The following GPRC5C variants were observed in gnomAD, a reference collection of about 807,000 sequenced individuals.
The protein encoded by GPRC5C is G protein-coupled receptor class C group 5 member C, also known as G protein-coupled receptor family C group 5 member C.
GPRC5C carries 22 observed loss-of-function variants against 31.4 expected under a neutral mutation model. The ratio of observed to expected loss-of-function variants is 0.70; its 90% CI spans 0.50 to 1.00. The LOEUF is 1.00. Among genes scored for constraint, GPRC5C ranks in the 50% least tolerant of loss-of-function variants. GPRC5C has a pLI of 0.00. For missense variants in GPRC5C, 557 were observed against 597.2 expected (o/e 0.93, Z 0.70); for synonymous variants, 249 against 257.5 (o/e 0.97, Z 0.32).
intron 1 of GPRC5C, 171 bp downstream of exon 1, chr17:74,432,312 C>G (rs2055363125): frequency 6.9e-7 from 1 of 1,442,418 alleles, no homozygotes; most frequent in Non-Finnish European, 9.1e-7. Flanking sequence ...GGGACAGGCC[C>G]GCGCGAGAGC....
intron 1 of GPRC5C, 75 bp downstream of exon 1, chr17:74,432,216 G>T (rs2055360403): frequency 6.4e-7 from 1 of 1,555,632 alleles, no homozygotes; most frequent in South Asian, 1.2e-5. Context: ...AGCGCGGCGG[G>T]CGCCCGATTA....
chr17:74,440,210 C>G lies in GPRC5C; in HGVS notation c.434C>G (p.Ala145Gly), dbSNP rs779914717. The stretch of plus-strand genomic sequence containing the variant: ...CACGTCTTTGCCCTCAACTTCCTGG[C>G]CCGGAAGAACCACGGGCCCCGGGGC... ...AAHVFALNFL[A>G]RKNHGPRGWV... Residue 145 changes from alanine to glycine, a missense_variant, in exon 2 of 4, where the codon GCC becomes GGC. Transcript: ENST00000392627. This position sits in a 1 kb window ranked among gnomAD's most constrained non-coding sequence, Gnocchi z 4.4. 25 of 1,614,108 alleles carry G rather than the reference C, an allele frequency of 1.5e-5. No individual in the cohort carries two copies. Among genetic ancestry groups the G allele is most frequent in the Non-Finnish European group, 2.1e-5 (25 of 1,180,044 alleles).
intron 1 of GPRC5C, among the ~76,000 whole-genome samples, chr17:74,439,127 G>A (rs758341370): frequency 1.3e-5 from 2 of 152,116 alleles, no homozygotes; most frequent in Non-Finnish European, 2.9e-5. Flanking sequence ...CTTGACTTCC[G>A]CTTCCGAGCT....
intron 1 of GPRC5C, chr17:74,433,581 C>G: frequency 1.3e-6 from 1 of 798,996 alleles, no homozygotes; most frequent in Middle Eastern, 2.3e-4. Context: ...TAACCAGGGA[C>G]TGGGAGAGAC....
chr17:74,435,498 AGCAGCAGCCTGGCTGCTGG>A (rs1438620324), intron 1 of GPRC5C, among the ~76,000 whole-genome samples: 18 of 150,286 alleles, frequency 1.2e-4, no homozygotes, highest in Admixed American at 2.0e-4. Context: ...ACTTACTAAA[AGCAGCAGCCTGGCTGCTGG>A]GCAGCAGCAT....
In GPRC5C at chr17:74,444,033, A is replaced by G. The variant is rs1268115370; in HGVS notation, c.1146+121A>G. 7 of 688,212 alleles carry G rather than the reference A, an allele frequency of 1.0e-5. No individual in the cohort carries two copies. In the East Asian group the frequency reaches 1.4e-4, roughly 14 times the overall value. The allele number at this position is 688,212 out of a possible 1,614,324, so 42.6% of individuals were successfully genotyped here. ...GGGTGGAGGTGGTAAGGGGAAGGCA[A>G]GCTTCTCCATCTGGTGCTTTTACCT... On this transcript the variant is annotated intron_variant, in intron 3 of 3. Transcript: ENST00000392627.
At chr17:74,439,592 G>A (rs779528334) in intron 1 of GPRC5C, among the ~76,000 whole-genome samples, 153 bp from the exon 2 acceptor site, 3 of 152,210 alleles carry the variant, frequency 2.0e-5, no homozygotes, top group Non-Finnish European at 4.4e-5. Flanking sequence ...TGCCTCTCAG[G>A]GGTTCTATGT....
intron 2 of GPRC5C, among the ~76,000 whole-genome samples, chr17:74,442,490 C>T (rs1255719961): frequency 6.6e-6 from 1 of 152,196 alleles, no homozygotes; most frequent in Non-Finnish European, 1.5e-5. Context: ...GCTGCAGCCC[C>T]TCATCTGACA....
Position 74,439,837 on chromosome 17 carries a change from G to T in GPRC5C, c.61G>T (p.Ala21Ser). Reference sequence around the variant, plus strand: ...ACTGCCTCTCTTCCTGTTCCCAGGGGCCTGGGCCCAGGGCCATGTCCCACC... The same window carrying T: ...ACTGCCTCTCTTCCTGTTCCCAGGGTCCTGGGCCCAGGGCCATGTCCCACC... The part of the protein sequence containing the change: ...LGLPLFLFPG[A>S]WAQGHVPPGC... Residue 21 changes from alanine to serine, a missense_variant, in exon 2 of 4, where the codon GCC (alanine) becomes TCC (serine). Coordinates refer to ENST00000392627, the MANE Select transcript of GPRC5C (RefSeq NM_022036.4). The T allele has an allele frequency of 6.2e-7, 1 of 1,613,396 alleles. No individual in the cohort carries two copies. Among genetic ancestry groups the T allele is most frequent in the African/African-American group, 1.3e-5 (1 of 75,060 alleles).
chr17:74,448,960 C>T, downstream of GPRC5C: 1 of 1,176,904 alleles, frequency 8.5e-7, no homozygotes. Flanking sequence ...GTGGTTGAGA[C>T]AGCAGGGTCC....
chr17:74,433,830 G>A, intron 1 of GPRC5C: 1 of 1,054,862 alleles, frequency 9.5e-7, no homozygotes, highest in Non-Finnish European at 1.5e-6. Flanking sequence ...TGGCCCTGGT[G>A]GGTGGAGGGG....
chr17:74,440,113 T>C lies in GPRC5C; in HGVS notation c.337T>C (p.Phe113Leu). ...LVFACVVKPD[F>L]STCASRRFLF... is the part of the protein sequence containing the mutation. Reference sequence around the variant, plus strand: ...GTTTGCCTGTGTGGTGAAGCCCGACTTCTCCACCTGTGCCTCTCGGCGCTT... The same window carrying C: ...GTTTGCCTGTGTGGTGAAGCCCGACCTCTCCACCTGTGCCTCTCGGCGCTT... The change falls in exon 2 of 4, where the codon TTC becomes CTC. Residue 113 changes from phenylalanine to leucine, a missense_variant. Coordinates refer to ENST00000392627, the MANE Select transcript of GPRC5C (RefSeq NM_022036.4). The surrounding 1 kb of genome is among the most constrained non-coding windows in gnomAD (Gnocchi z 4.4). 1 of 1,614,156 alleles carries C rather than the reference T, an allele frequency of 6.2e-7. No individual in the cohort carries two copies. The highest frequency in any genetic ancestry group is 8.5e-7 in the Non-Finnish European group (1 of 1,180,024).
intron 1 of GPRC5C, chr17:74,433,796 G>T: frequency 6.8e-7 from 1 of 1,469,028 alleles, no homozygotes; most frequent in Non-Finnish European, 9.5e-7. Context: ...ACGCGCTGGA[G>T]CTCTCTTTCC....
At chr17:74,432,237 T>C in intron 1 of GPRC5C, 96 bp downstream of exon 1, 2 of 1,539,540 alleles carry the variant, frequency 1.3e-6, no homozygotes, top group Non-Finnish European at 1.8e-6. Flanking sequence ...GCGCCCTGAA[T>C]GGAGGTGATG....
At chr17:74,438,225 A>C (rs966012995) in intron 1 of GPRC5C, among the ~76,000 whole-genome samples, 1 of 110,222 alleles carries the variant, frequency 9.1e-6, no homozygotes, top group African/African-American at 5.3e-5. Flanking sequence ...ATATATATAT[A>C]TATATATATA....
rs757715803 is a variant in GPRC5C at position 74,440,188 on chromosome 17, G to T, written c.412G>T (p.Val138Phe). The T allele has an allele frequency of 6.2e-7, 1 of 1,614,186 alleles. No homozygotes were observed. Among genetic ancestry groups the T allele is most frequent in the Non-Finnish European group, 8.5e-7 (1 of 1,180,030 alleles). The change falls in exon 2 of 4, where the codon GTC (valine) becomes TTC (phenylalanine). Residue 138 changes from valine (V) to phenylalanine (F), a missense_variant. Transcript: ENST00000392627. The surrounding 1 kb of genome is among the most constrained non-coding windows in gnomAD (Gnocchi z 4.4). ...AICFSCLAAH[V>F]FALNFLARKN... Reference sequence around the variant, plus strand: ...CTGCTTCTCTTGTCTGGCGGCTCACGTCTTTGCCCTCAACTTCCTGGCCCG... The same window carrying T: ...CTGCTTCTCTTGTCTGGCGGCTCACTTCTTTGCCCTCAACTTCCTGGCCCG...
Position 74,440,885 on chromosome 17 carries a change from A to G in GPRC5C, c.1051+58A>G. ...TTCTCCATCCCATGTCTTTTACTGC[A>G]GGACAGGGAGCCAGTCTCTTGAGCA... On this transcript the variant is annotated intron_variant, in intron 2 of 3. Transcript: ENST00000392627. The surrounding 1 kb of genome is among the most constrained non-coding windows in gnomAD (Gnocchi z 4.4). 2 of 1,390,170 alleles carry G rather than the reference A, an allele frequency of 1.4e-6. No homozygotes were observed. The highest frequency in any genetic ancestry group is 2.9e-5 in the African/African-American group (2 of 68,948). 86.1% of individuals were successfully genotyped at this position (1,390,170 alleles called of 1,614,324 possible).
intron 1 of GPRC5C, among the ~76,000 whole-genome samples, chr17:74,433,923 G>T (rs1440372867): frequency 6.6e-6 from 1 of 152,154 alleles, no homozygotes; most frequent in Non-Finnish European, 1.5e-5. Flanking sequence ...CTGTCTCCCC[G>T]GTTGCTGGAT....
At chr17:74,448,119 G>A (rs2055669821), downstream of GPRC5C, among the ~76,000 whole-genome samples, 1 of 152,056 alleles carries the variant, frequency 6.6e-6, no homozygotes, top group African/African-American at 2.4e-5. Flanking sequence ...GACTAGCCTG[G>A]GTAACATAGT....
Sources: allele counts gnomAD v4.1 joint callset (sites outside exome capture counted in the v4.1 genomes callset), GRCh38; gene constraint gnomAD v4.1.1; non-coding constraint Gnocchi (gnomAD v3.1); transcripts MANE v1.5; gene names NCBI Gene and HGNC (gene_info 2026-07-23, HGNC 2026-07-21).